Variants in PHKB observed in about 807,000 individuals in gnomAD.
PHKB encodes the protein phosphorylase kinase regulatory subunit beta, also known as phosphorylase b kinase regulatory subunit beta.
PHKB carries 122 observed loss-of-function variants against 152.1 expected under a neutral mutation model. The observed-to-expected ratio is 0.80, with a 90% CI of 0.69 to 0.93. The LOEUF (loss-of-function observed/expected upper bound fraction) is 0.93, where lower values mean the gene tolerates loss of function less well. PHKB is among the 40% of genes least tolerant of loss of function. The pLI is 0.00. For missense variants in PHKB, 1,304 were observed against 1,328.4 expected, an observed-to-expected ratio of 0.98 and a Z score of 0.29; for synonymous variants, 436 against 464.9, an observed-to-expected ratio of 0.94 and a Z score of 0.80.
At chr16:47,682,926 G>T (rs1412880147) in intron 26 of PHKB, among the ~76,000 whole-genome samples, 1 of 152,184 alleles carries the variant, frequency 6.6e-6, no homozygotes, top group Non-Finnish European at 1.5e-5. Context: ...TGATGGTGAT[G>T]TACAGAAGGG....
At chr16:47,692,950 C>G (rs191697597) in intron 27 of PHKB, among the ~76,000 whole-genome samples, 1 of 152,146 alleles carries the variant, frequency 6.6e-6, no homozygotes, top group Non-Finnish European at 1.5e-5. Context: ...TACTAAGCAC[C>G]TTTCTGGGAG....
At chr16:47,605,218 G>T (rs1972301222) in intron 13 of PHKB, among the ~76,000 whole-genome samples, 1 of 152,168 alleles carries the variant, frequency 6.6e-6, no homozygotes. Flanking sequence ...TGCCTACTAG[G>T]TGCTGGTGGC....
intron 13 of PHKB, among the ~76,000 whole-genome samples, chr16:47,609,248 T>C (rs1972381781): frequency 1.3e-5 from 2 of 152,158 alleles, no homozygotes; most frequent in Admixed American, 6.5e-5. Flanking sequence ...GTGGGATAGA[T>C]TCTACTTGGT....
At chr16:47,681,342 G>A (rs1318534380) in intron 26 of PHKB, among the ~76,000 whole-genome samples, 3 of 148,458 alleles carry the variant, frequency 2.0e-5, no homozygotes, top group Non-Finnish European at 3.0e-5. Flanking sequence ...TTTCTGTCTC[G>A]TTGATCTGTC....
intron 13 of PHKB, among the ~76,000 whole-genome samples, chr16:47,607,612 C>T (rs1404701029): frequency 6.6e-6 from 1 of 152,144 alleles, no homozygotes; most frequent in Non-Finnish European, 1.5e-5. Context: ...GTTTGCACTT[C>T]TTAGCTATTA....
intron 7 of PHKB, among the ~76,000 whole-genome samples, chr16:47,552,846 A>C (rs911358020): frequency 3.3e-5 from 5 of 152,056 alleles, no homozygotes; most frequent in Middle Eastern, 3.4e-3. Flanking sequence ...AAAACAAAGA[A>C]TGTTGAATAT....
intron 8 of PHKB, 145 bp downstream of exon 8, chr16:47,580,503 A>G: frequency 1.7e-6 from 1 of 576,734 alleles, no homozygotes; most frequent in Non-Finnish European, 3.1e-6. Flanking sequence ...TCCTTTGAAA[A>G]TGATTTGCCA....
At chr16:47,679,590 A>C (rs964001729) in intron 26 of PHKB, among the ~76,000 whole-genome samples, 3 of 152,188 alleles carry the variant, frequency 2.0e-5, no homozygotes, top group Non-Finnish European at 2.9e-5. Context: ...TTGGTGTCTA[A>C]GAATGCTTGT....
intron 1 of PHKB, chr16:47,462,335 A>T (rs1383308775): frequency 1.3e-5 from 2 of 152,256 alleles, no homozygotes; most frequent in African/African-American, 2.4e-5. Context: ...TTGCATTGAT[A>T]TTAAGAAATT....
intron 8 of PHKB, among the ~76,000 whole-genome samples, chr16:47,580,804 C>G (rs776498162): frequency 6.6e-6 from 1 of 151,796 alleles, no homozygotes; most frequent in Non-Finnish European, 1.5e-5. Context: ...GAGTTTTGAT[C>G]CTAGCTTCAC....
Position 47,596,371 on chromosome 16 carries a change from A to C in PHKB, c.1205-2A>C. The C allele has an allele frequency of 1.9e-6, 3 of 1,575,424 alleles. No homozygotes were observed. Among genetic ancestry groups the C allele is most frequent in the Non-Finnish European group, 1.7e-6 (2 of 1,145,018 alleles). ...TTAAATACTTATTTTTAAACTCCAT[A>C]GGATATCCTGTTGTACCAAAGTACT... On this transcript the variant is annotated splice_acceptor_variant, in intron 12 of 30. Transcript: ENST00000323584. LOFTEE classifies it high-confidence loss of function.
chr16:47,660,941 A>AAT, intron 22 of PHKB, 122 bp downstream of exon 22: 1 of 924,882 alleles, frequency 1.1e-6, no homozygotes, highest in Non-Finnish European at 1.8e-6. Context: ...GAGGTGGATG[A>AAT]CTTGTCTACT....
rs757907401 is a variant in PHKB at position 47,698,595 on chromosome 16, A to G, written c.3144+7A>G. 7.2e-7 allele frequency: 1 copy of G among 1,390,358 alleles called. No individual in the cohort carries two copies. The highest frequency in any genetic ancestry group is 2.4e-5 in the Admixed American group (1 of 42,548). The allele number at this position is 1,390,358 out of a possible 1,614,324, so 86.1% of individuals were successfully genotyped here. A position where few individuals can be genotyped will look rare whatever the true frequency, so the allele number is the denominator to read the frequency against. On this transcript the variant is annotated splice_region_variant and intron_variant, in intron 30 of 30. Transcript: ENST00000323584. The stretch of plus-strand genomic sequence containing the variant: ...AAAGGAAATTGAAAAACAAGTAAGT[A>G]CACAGCTTTTTTTTTTTTTTTTTTT...
chr16:47,518,101 C>CT (rs1163691238), intron 6 of PHKB, among the ~76,000 whole-genome samples: 1 of 152,090 alleles, frequency 6.6e-6, no homozygotes, highest in Admixed American at 6.5e-5. Context: ...ATAACCCTAC[C>CT]ACATCTTCAG....
At chr16:47,658,395 C>G (rs545121204) in intron 20 of PHKB, among the ~76,000 whole-genome samples, 67 of 152,186 alleles carry the variant, frequency 4.4e-4, no homozygotes, top group Non-Finnish European at 6.0e-4. Context: ...CTGGTACTCC[C>G]CATCCCCTAC....
intron 13 of PHKB, among the ~76,000 whole-genome samples, chr16:47,602,967 C>A (rs905297302): frequency 6.6e-6 from 1 of 152,170 alleles, no homozygotes; most frequent in African/African-American, 2.4e-5. Context: ...CCTAATTATT[C>A]TGACAAACCA....
Position 47,690,873 on chromosome 16 carries a change from C to T in PHKB, c.2765+1698C>T, listed in dbSNP as rs190908383. On this transcript the variant is annotated intron_variant, in intron 27 of 30. Transcript: ENST00000323584. ...TTAACCAAAAGATTAAGGTGAACAT[C>T]GCCAGTAATAAGACACATCAAAATC... is the stretch of plus-strand genomic sequence containing the variant. Among the ~76,000 whole-genome samples, 177 of 152,162 alleles carry T rather than the reference C, an allele frequency of 1.2e-3. 2 individuals carry two copies. The highest frequency in any genetic ancestry group is 1.4e-3 in the Non-Finnish European group (93 of 68,008).
At chr16:47,548,426 G>A (rs1001620160) in intron 7 of PHKB, among the ~76,000 whole-genome samples, 4 of 152,092 alleles carry the variant, frequency 2.6e-5, no homozygotes, top group South Asian at 2.1e-4. Flanking sequence ...GGCCAACATG[G>A]TGAAACCCTG....
At chr16:47,668,903 T>C (rs934200756) in intron 25 of PHKB, among the ~76,000 whole-genome samples, 1 of 152,234 alleles carries the variant, frequency 6.6e-6, no homozygotes, top group African/African-American at 2.4e-5. Flanking sequence ...GAGTTTCTAG[T>C]ACTAAAGTCA....
Sources: allele counts gnomAD v4.1 joint callset (sites outside exome capture counted in the v4.1 genomes callset), GRCh38; gene constraint gnomAD v4.1.1; transcripts MANE v1.5; gene names NCBI Gene and HGNC (gene_info 2026-07-23, HGNC 2026-07-21).